HHAT: variants seen among roughly 807,000 people sequenced by gnomAD.
The protein encoded by HHAT is hedgehog acyltransferase.
HHAT carries 47 observed loss-of-function variants against 70.8 expected under a neutral mutation model. The ratio of observed to expected loss-of-function variants is 0.66; its 90% CI spans 0.53 to 0.85. HHAT has a LOEUF of 0.85. Among genes scored for constraint, HHAT ranks in the 40% least tolerant of loss-of-function variants. HHAT has a pLI of 0.00. For missense variants in HHAT, 609 were observed against 604.8 expected, an observed-to-expected ratio of 1.01 and a Z score of -0.07; for synonymous variants, 228 against 247.6, an observed-to-expected ratio of 0.92 and a Z score of 0.74.
At chr1:210,492,117 G>A (rs2094561676) in intron 8 of HHAT, among the ~76,000 whole-genome samples, 2 of 151,914 alleles carry the variant, frequency 1.3e-5, no homozygotes, top group East Asian at 1.9e-4. Flanking sequence ...TCACACACAC[G>A]TACCCACCTG....
At chr1:210,355,536 C>T (rs534865634) in intron 2 of HHAT, among the ~76,000 whole-genome samples, 26 of 152,272 alleles carry the variant, frequency 1.7e-4, no homozygotes, top group Admixed American at 5.9e-4. Flanking sequence ...GCAAACCATA[C>T]GGATTCATTC....
At chr1:210,500,800 C>CA (rs1486860918) in intron 8 of HHAT, among the ~76,000 whole-genome samples, 28 of 152,212 alleles carry the variant, frequency 1.8e-4, no homozygotes, top group African/African-American at 6.5e-4. Flanking sequence ...GCCCTGGAGC[C>CA]AGCTCCCCTT....
At chr1:210,505,879 A>T (rs547532686) in intron 8 of HHAT, among the ~76,000 whole-genome samples, 1 of 152,108 alleles carries the variant, frequency 6.6e-6, no homozygotes, top group South Asian at 2.1e-4. Context: ...GGTATTTGCC[A>T]CTCCTGGCCA....
chr1:210,648,954 G>A (rs2148929349), intron 11 of HHAT, among the ~76,000 whole-genome samples: 1 of 152,320 alleles, frequency 6.6e-6, no homozygotes, highest in East Asian at 1.9e-4. Context: ...TTTAAAAACA[G>A]ACCATTCCCA....
At chr1:210,563,819 C>T (rs189376140) in intron 9 of HHAT, among the ~76,000 whole-genome samples, 14 of 152,338 alleles carry the variant, frequency 9.2e-5, no homozygotes, top group African/African-American at 2.4e-4. Flanking sequence ...TTCTCTTCCT[C>T]CTTGCCTTCC....
intron 1 of HHAT, among the ~76,000 whole-genome samples, chr1:210,334,293 C>T: frequency 6.7e-6 from 1 of 150,304 alleles, no homozygotes; most frequent in Middle Eastern, 3.2e-3. Flanking sequence ...GCAGCTGGGG[C>T]TACTGGCATG....
At chr1:210,415,349 T>C (rs1043863033) in intron 6 of HHAT, among the ~76,000 whole-genome samples, 3 of 152,210 alleles carry the variant, frequency 2.0e-5, no homozygotes, top group Admixed American at 1.3e-4. Flanking sequence ...TCTCAGAGCA[T>C]GCATGCTTGA....
intron 9 of HHAT, among the ~76,000 whole-genome samples, chr1:210,561,569 A>T (rs1573336113): frequency 6.6e-6 from 1 of 152,018 alleles, no homozygotes; most frequent in African/African-American, 2.4e-5. Flanking sequence ...GTTCATTCTT[A>T]CCCTTGTTTT....
intron 10 of HHAT, among the ~76,000 whole-genome samples, chr1:210,621,728 C>G (rs564362679): frequency 6.6e-6 from 1 of 152,222 alleles, no homozygotes; most frequent in East Asian, 1.9e-4. Context: ...TGCCTGTGGC[C>G]TCCTAGAGCA....
At position 210,400,543 on chromosome 1, in the gene HHAT, G is replaced by GT. The variant is rs770801585; in HGVS notation, c.353dup (p.Leu118PhefsTer39). On this transcript the variant is annotated frameshift_variant, in exon 5 of 12. Coordinates refer to ENST00000261458, the MANE Select transcript of HHAT (RefSeq NM_018194.6). LOFTEE classifies it high-confidence loss of function. ...GCTGGGGACCCCTGGTGTGGCTATG[G>GT]TTTTGCTCCATACCACCATCTCTTT... is the stretch of plus-strand genomic sequence containing the variant. The GT allele has an allele frequency of 3.7e-6, 6 of 1,614,062 alleles. No homozygotes were observed. The highest frequency in any genetic ancestry group is 5.1e-6 in the Non-Finnish European group (6 of 1,180,012).
At chr1:210,373,878 C>CTTAAA (rs1182694315) in intron 3 of HHAT, among the ~76,000 whole-genome samples, 1 of 152,184 alleles carries the variant, frequency 6.6e-6, no homozygotes, top group Non-Finnish European at 1.5e-5. Context: ...AGTTTAGGAT[C>CTTAAA]TTAAAGGCCA....
chr1:210,329,256 C>G, intron 1 of HHAT, 152 bp downstream of exon 1: 2 of 1,232,154 alleles, frequency 1.6e-6, no homozygotes, highest in Non-Finnish European at 2.0e-6. Context: ...AGAGGAAGTT[C>G]CCGGTCGGGC....
At chr1:210,531,428 C>T (rs776081116) in intron 9 of HHAT, among the ~76,000 whole-genome samples, 2 of 151,882 alleles carry the variant, frequency 1.3e-5, no homozygotes, top group Admixed American at 6.6e-5. Flanking sequence ...TTGAAGAGGA[C>T]GAGGAAGAAG....
At chr1:210,540,201 G>T (rs986282503) in intron 9 of HHAT, among the ~76,000 whole-genome samples, 5 of 152,098 alleles carry the variant, frequency 3.3e-5, no homozygotes, top group African/African-American at 1.2e-4. Flanking sequence ...AAAGAATGTT[G>T]TTAGGGATTG....
chr1:210,386,869 G>T (rs995394386), intron 3 of HHAT, among the ~76,000 whole-genome samples: 1 of 152,102 alleles, frequency 6.6e-6, no homozygotes, highest in African/African-American at 2.4e-5. Flanking sequence ...GAGCTTCTTG[G>T]GGGGAAGGGA....
At position 210,466,152 on chromosome 1, in the gene HHAT, GAATTGCAAGGAATTGC is replaced by G. The variant is rs1272186570; in HGVS notation, c.1007+1516_1007+1531del. On this transcript the variant is annotated intron_variant, in intron 8 of 11. Transcript: ENST00000261458. ...GGAATGAATTGCAAGGAATCGCAAG[GAATTGCAAGGAATTGC>G]AATTGCAAGGAATTGCAAGGAATTC... Among the ~76,000 whole-genome samples the G allele has an allele frequency of 5.3e-4, 78 of 147,734 alleles. 1 individual carries two copies. Among genetic ancestry groups the G allele is most frequent in the East Asian group, 2.5e-3 (13 of 5,168 alleles).
At chr1:210,343,049 CA>C (rs1265408600) in intron 1 of HHAT, among the ~76,000 whole-genome samples, 2 of 152,092 alleles carry the variant, frequency 1.3e-5, no homozygotes, top group Non-Finnish European at 2.9e-5. Context: ...GAGTAAACAG[CA>C]AACTGTTTCT....
chr1:210,529,054 C>T (rs564652473), intron 9 of HHAT, among the ~76,000 whole-genome samples: 1 of 152,274 alleles, frequency 6.6e-6, no homozygotes, highest in East Asian at 1.9e-4. Flanking sequence ...CTGGTAATCC[C>T]AGCACTTCGG....
intron 7 of HHAT, among the ~76,000 whole-genome samples, chr1:210,427,119 G>C (rs1293789635): frequency 6.6e-6 from 1 of 151,704 alleles, no homozygotes; most frequent in Non-Finnish European, 1.5e-5. Context: ...TTTCTAGTTT[G>C]ACATATTAAT....
Sources: allele counts gnomAD v4.1 joint callset (sites outside exome capture counted in the v4.1 genomes callset), GRCh38; gene constraint gnomAD v4.1.1; transcripts MANE v1.5; gene names NCBI Gene and HGNC (gene_info 2026-07-23, HGNC 2026-07-21).